Variants in CEP85L observed in about 807,000 individuals in gnomAD.
CEP85L encodes centrosomal protein 85L, also known as centrosomal protein of 85 kDa-like.
In CEP85L, 60 loss-of-function variants were observed where a neutral mutation model predicts 100.3. The ratio of observed to expected loss-of-function variants is 0.60; its 90% CI spans 0.49 to 0.74. The LOEUF is 0.74. CEP85L is among the 30% of genes least tolerant of loss of function. The pLI, the probability that CEP85L is intolerant of heterozygous loss-of-function variation, is 0.00. For missense variants in CEP85L, 973 were observed against 936.2 expected (o/e 1.04, Z -0.51); for synonymous variants, 319 against 322.7 (o/e 0.99, Z 0.12).
chr6:118,618,052 G>A (rs1773184572), intron 2 of CEP85L, among the ~76,000 whole-genome samples: 1 of 152,118 alleles, frequency 6.6e-6, no homozygotes, highest in African/African-American at 2.4e-5. Flanking sequence ...CCCGGAACCA[G>A]TTTTAAGTCT....
intron 1 of CEP85L, among the ~76,000 whole-genome samples, chr6:118,706,392 G>A (rs973074844): frequency 3.9e-5 from 6 of 152,154 alleles, no homozygotes; most frequent in Admixed American, 3.3e-4. Flanking sequence ...CAGAAACCCT[G>A]TAAGACTAAA....
At position 118,483,791 on chromosome 6, in the gene CEP85L, T is replaced by C. The variant is rs773429150; in HGVS notation, c.1505A>G (p.Lys502Arg). 3.7e-6 allele frequency: 6 copies of C among 1,613,862 alleles called. No individual in the cohort carries two copies. The South Asian group carries it at 6.6e-5, about 18-fold the overall frequency. ...KKCQKESEQN[K>R]EKQRRIETLE... is the part of the protein sequence containing the mutation. ...GGTCTCAATTCTTCTCTGCTTTTCT[T>C]TGTTTTGTTCAGATTCCTTCTGGCA... The change falls in exon 7 of 13, where the codon AAA (lysine) becomes AGA (arginine). Residue 502 changes from lysine (K) to arginine (R), a missense_variant. Lys to Arg is a conservative substitution (Grantham distance 26). Coordinates refer to ENST00000368491, the MANE Select transcript of CEP85L (RefSeq NM_001042475.3).
At chr6:118,659,212 G>A (rs775479546) in intron 1 of CEP85L, among the ~76,000 whole-genome samples, 6 of 151,968 alleles carry the variant, frequency 3.9e-5, no homozygotes, top group East Asian at 1.9e-4. Flanking sequence ...GTGCTCACAC[G>A]GAATATGAGA....
chr6:118,696,338 T>A (rs1777210445), intron 1 of CEP85L, among the ~76,000 whole-genome samples: 1 of 151,984 alleles, frequency 6.6e-6, no homozygotes. Context: ...CCAGAATAAG[T>A]AATAGTACAG....
At chr6:118,474,122 T>G (rs554970651) in intron 10 of CEP85L, among the ~76,000 whole-genome samples, 22 of 152,098 alleles carry the variant, frequency 1.4e-4, no homozygotes, top group Non-Finnish European at 2.6e-4. Flanking sequence ...TTGGTGAATA[T>G]TATAATTAAA....
intron 12 of CEP85L, among the ~76,000 whole-genome samples, chr6:118,468,636 C>A (rs576223520): frequency 6.6e-6 from 1 of 152,280 alleles, no homozygotes; most frequent in East Asian, 1.9e-4. Context: ...TGTGAAATCA[C>A]TGGCACTCAC....
intron 1 of CEP85L, among the ~76,000 whole-genome samples, chr6:118,647,309 A>G (rs1775266864): frequency 6.6e-6 from 1 of 152,222 alleles, no homozygotes; most frequent in South Asian, 2.1e-4. Context: ...TTCGCACACT[A>G]TAAAAGTATA....
rs111033559 is a variant in CEP85L at position 118,558,946 on chromosome 6, C to T, written c.1020+6583G>A. The stretch of plus-strand genomic sequence containing the variant: ...CATGGAGAAAGTCCAATACCTCACT[C>T]GCTCAGCTATAAGAAGAGCCTCAAC... On this transcript the variant is annotated intron_variant, in intron 3 of 12. Transcript: ENST00000368491. 1 of 1,613,780 alleles carries T rather than the reference C, an allele frequency of 6.2e-7. No individual in the cohort carries two copies. Among genetic ancestry groups the T allele is most frequent in the Non-Finnish European group, 8.5e-7 (1 of 1,179,652 alleles).
chr6:118,644,759 T>C (rs1775075472), intron 1 of CEP85L, among the ~76,000 whole-genome samples: 1 of 152,092 alleles, frequency 6.6e-6, no homozygotes, highest in Non-Finnish European at 1.5e-5. Flanking sequence ...TCCATTTTCT[T>C]CTCTCCAAAT....
chr6:118,540,559 A>C (rs1777850515), intron 3 of CEP85L, among the ~76,000 whole-genome samples: 1 of 152,054 alleles, frequency 6.6e-6, no homozygotes. Flanking sequence ...GATGTAGACC[A>C]TCCTGGCCAA....
intron 5 of CEP85L, among the ~76,000 whole-genome samples, chr6:118,495,886 A>T (rs777792110): frequency 6.6e-6 from 1 of 152,200 alleles, no homozygotes; most frequent in East Asian, 1.9e-4. Flanking sequence ...AAGTCTATCA[A>T]TGTTAACAAG....
intron 1 of CEP85L, among the ~76,000 whole-genome samples, chr6:118,689,974 G>A (rs555262164): frequency 6.7e-6 from 1 of 150,016 alleles, no homozygotes; most frequent in African/African-American, 2.5e-5. Context: ...GGCTGGTCTG[G>A]AACTCCTGGC....
intron 1 of CEP85L, among the ~76,000 whole-genome samples, chr6:118,666,359 C>A (rs1776133706): frequency 6.6e-6 from 1 of 152,114 alleles, no homozygotes; most frequent in African/African-American, 2.4e-5. Flanking sequence ...GATGAAAAAA[C>A]AAGTTTAGTG....
At position 118,463,942 on chromosome 6, in the gene CEP85L, A is replaced by C. The variant is rs2114367984; in HGVS notation, c.*1463T>G. On this transcript the variant is annotated 3_prime_UTR_variant, in exon 13 of 13. Coordinates refer to ENST00000368491, the MANE Select transcript of CEP85L (RefSeq NM_001042475.3). ...AGAGCCTTTATTCTAGTATATAAGA[A>C]AACAGGCATGTGCTATGCCCTTTAT... 1 of 152,288 alleles carries C rather than the reference A, an allele frequency of 6.6e-6. No individual in the cohort carries two copies. The highest frequency in any genetic ancestry group is 2.1e-4 in the South Asian group (1 of 4,834). The allele number at this position is 152,288 out of a possible 1,614,324, so 9.4% of individuals were successfully genotyped here. A position where few individuals can be genotyped will look rare whatever the true frequency, so the allele number is the denominator to read the frequency against.
In CEP85L at chr6:118,502,751, G is replaced by A. The variant is rs560186671; in HGVS notation, c.1257+8547C>T. 4 of 555,766 alleles carry A rather than the reference G, an allele frequency of 7.2e-6. No individual in the cohort carries two copies. The East Asian group carries it at 9.5e-5, about 13-fold the overall frequency. 34.4% of individuals were successfully genotyped at this position (555,766 alleles called of 1,614,324 possible). On this transcript the variant is annotated intron_variant, in intron 5 of 12. Coordinates refer to ENST00000368491, the MANE Select transcript of CEP85L (RefSeq NM_001042475.3). Reference sequence around the variant, plus strand: ...CAAAGAAATGCATCTTGCTGAACAGGTGACCAATAATCTTAAAGAACTTGT... The same window carrying A: ...CAAAGAAATGCATCTTGCTGAACAGATGACCAATAATCTTAAAGAACTTGT...
chr6:118,624,672 C>T lies in CEP85L; in HGVS notation c.232+7781G>A, dbSNP rs142749434. On this transcript the variant is annotated intron_variant, in intron 2 of 12. Transcript: ENST00000368491. ...TTATAGTGCTGCTTCTCTCTGCTCC[C>T]ACAATGGCCATACATATCACCAAGG... Among the ~76,000 whole-genome samples the T allele has an allele frequency of 2.9e-3, 443 of 152,320 alleles. 1 individual carries two copies. Among genetic ancestry groups the T allele is most frequent in the Middle Eastern group, 0.01 (3 of 294 alleles).
intron 2 of CEP85L, among the ~76,000 whole-genome samples, chr6:118,598,811 G>C (rs1781581631): frequency 6.6e-6 from 1 of 152,172 alleles, no homozygotes; most frequent in Non-Finnish European, 1.5e-5. Flanking sequence ...GGGGAGTAGA[G>C]GTTAACAGTT....
chr6:118,511,475 C>T, intron 4 of CEP85L, 60 bp from the exon 5 acceptor site: 4 of 1,031,442 alleles, frequency 3.9e-6, no homozygotes, highest in Non-Finnish European at 6.0e-6. Flanking sequence ...TTAGAAGAAC[C>T]TTAAGGAGCT....
chr6:118,481,229 A>C (rs1444074234), intron 8 of CEP85L, among the ~76,000 whole-genome samples: 1 of 151,606 alleles, frequency 6.6e-6, no homozygotes, highest in Non-Finnish European at 1.5e-5. Flanking sequence ...TTCGTTATTT[A>C]GAATTTTTAC....
Sources: gnomAD v4.1 joint callset for allele counts (sites outside exome capture counted in the v4.1 genomes callset) on GRCh38, gnomAD v4.1.1 for gene constraint, MANE v1.5 for transcripts, NCBI Gene and HGNC (gene_info 2026-07-23, HGNC 2026-07-21) for gene names.